Variants in SNTG2 observed in about 807,000 individuals in gnomAD.
SNTG2 encodes the protein syntrophin gamma 2.
SNTG2 carries 74 observed loss-of-function variants against 70.9 expected under a neutral mutation model. That is an observed-to-expected ratio of 1.04 (90% CI 0.86 to 1.27). The LOEUF is 1.27. Among genes scored for constraint, SNTG2 ranks in the 50% most tolerant of loss-of-function variants. The pLI is 0.00. For missense variants in SNTG2, 717 were observed against 690.7 expected (o/e 1.04, Z -0.43); for synonymous variants, 278 against 273.8 (o/e 1.02, Z -0.15).
At chr2:1,106,075 A>G (rs1195881761) in intron 4 of SNTG2, among the ~76,000 whole-genome samples, 83 of 112,490 alleles carry the variant, frequency 7.4e-4, no homozygotes, top group African/African-American at 2.2e-3. Flanking sequence ...AATAGTGGAC[A>G]CCTGCTGTCA....
intron 16 of SNTG2, among the ~76,000 whole-genome samples, chr2:1,358,067 T>C (rs930188434): frequency 6.6e-6 from 1 of 152,170 alleles, no homozygotes; most frequent in Non-Finnish European, 1.5e-5. Context: ...TCACTTTTTT[T>C]CTGTGCCCTC....
intron 12 of SNTG2, among the ~76,000 whole-genome samples, chr2:1,257,211 A>T (rs889194110): frequency 1.3e-5 from 2 of 152,078 alleles, no homozygotes; most frequent in African/African-American, 4.8e-5. Flanking sequence ...CCACAATAGA[A>T]ATGGTTCCAT....
At chr2:1,104,818 T>G (rs1354739221) in intron 4 of SNTG2, among the ~76,000 whole-genome samples, 4 of 152,230 alleles carry the variant, frequency 2.6e-5, no homozygotes, top group Admixed American at 2.6e-4. Context: ...CCAGTATCTT[T>G]CCGTCCTCCC....
In SNTG2 at chr2:1,237,730, G is replaced by A. The variant is rs28628894; in HGVS notation, c.720-158G>A. Among the ~76,000 whole-genome samples, 15 of 152,078 alleles carry A rather than the reference G, an allele frequency of 9.9e-5. No individual in the cohort carries two copies. In the East Asian group the frequency reaches 2.5e-3, roughly 25 times the overall value. On this transcript the variant is annotated intron_variant, in intron 9 of 16. Transcript: ENST00000308624. ...TTCGGGGTTTGGTCTTGGTCTCAGC[G>A]AGCCTGCTGACTGTACTGAGGCGCC...
intron 1 of SNTG2, among the ~76,000 whole-genome samples, chr2:1,010,054 CTA>C (rs1015887013): frequency 1.1e-4 from 16 of 152,046 alleles, no homozygotes; most frequent in Admixed American, 1.0e-3. Context: ...AGAACACACT[CTA>C]TTATTATTAT....
intron 12 of SNTG2, among the ~76,000 whole-genome samples, chr2:1,255,273 C>T (rs1050094363): frequency 1.3e-5 from 2 of 152,194 alleles, no homozygotes; most frequent in African/African-American, 2.4e-5. Flanking sequence ...ATCCCACCCT[C>T]GGCCTTCCTT....
intron 6 of SNTG2, chr2:1,160,941 G>GCTTCA (rs1670233970): frequency 6.6e-6 from 1 of 152,198 alleles, no homozygotes; most frequent in African/African-American, 2.4e-5. Flanking sequence ...GAATCCAATG[G>GCTTCA]CTTCAGAGTC....
chr2:1,315,071 G>T (rs1174266495), intron 15 of SNTG2, among the ~76,000 whole-genome samples: 2 of 152,196 alleles, frequency 1.3e-5, no homozygotes, highest in Non-Finnish European at 2.9e-5. Flanking sequence ...ATAGTGTCTG[G>T]CAATTCTAAT....
chr2:1,138,121 AGT>A (rs1668512333), intron 6 of SNTG2, among the ~76,000 whole-genome samples: 2 of 152,166 alleles, frequency 1.3e-5, no homozygotes, highest in African/African-American at 2.4e-5. Context: ...GGATTCCTGA[AGT>A]GTTATCATCG....
chr2:1,358,727 G>T (rs1191294337), intron 16 of SNTG2, among the ~76,000 whole-genome samples: 1 of 152,134 alleles, frequency 6.6e-6, no homozygotes, highest in East Asian at 1.9e-4. Flanking sequence ...TAGGTATGAT[G>T]TCAGTCTTCT....
chr2:1,201,313 T>C (rs1673259131), intron 8 of SNTG2, among the ~76,000 whole-genome samples: 1 of 151,920 alleles, frequency 6.6e-6, no homozygotes, highest in Non-Finnish European at 1.5e-5. Flanking sequence ...AAATATCACA[T>C]GTTATCACTC....
chr2:1,137,259 G>A (rs1011459495), intron 4 of SNTG2, among the ~76,000 whole-genome samples: 5 of 150,260 alleles, frequency 3.3e-5, no homozygotes, highest in East Asian at 3.9e-4. Context: ...GCAAATACCC[G>A]TGCATGCCGC....
At chr2:1,028,213 A>G (rs574447294) in intron 1 of SNTG2, among the ~76,000 whole-genome samples, 52 of 148,544 alleles carry the variant, frequency 3.5e-4, no homozygotes, top group Non-Finnish European at 6.9e-4. Context: ...TGTTGAGTAA[A>G]GAGGTAAGCA....
intron 10 of SNTG2, among the ~76,000 whole-genome samples, chr2:1,239,531 A>G (rs755798421): frequency 2.0e-4 from 31 of 152,250 alleles, no homozygotes; most frequent in Admixed American, 3.9e-4. Context: ...GATATTTGAA[A>G]AAGAGGAATT....
intron 16 of SNTG2, among the ~76,000 whole-genome samples, chr2:1,320,903 G>A (rs913699405): frequency 2.0e-5 from 3 of 152,116 alleles, no homozygotes; most frequent in African/African-American, 4.8e-5. Context: ...CTTATATTTT[G>A]CATATTTCTT....
chr2:972,771 A>G (rs1660785023), intron 1 of SNTG2, among the ~76,000 whole-genome samples: 1 of 152,072 alleles, frequency 6.6e-6, no homozygotes, highest in South Asian at 2.1e-4. Flanking sequence ...CTCCCACCAT[A>G]TATGACCTCT....
intron 1 of SNTG2, among the ~76,000 whole-genome samples, chr2:1,033,967 T>G (rs1409389486): frequency 6.6e-6 from 1 of 152,232 alleles, no homozygotes; most frequent in Non-Finnish European, 1.5e-5. Context: ...TCTTGTTTTT[T>G]ATTTCTCTTT....
At chr2:1,275,086 T>G (rs1473614530) in intron 14 of SNTG2, among the ~76,000 whole-genome samples, 3 of 152,134 alleles carry the variant, frequency 2.0e-5, no homozygotes, top group Admixed American at 2.0e-4. Flanking sequence ...AATTCATTCC[T>G]GAAAAATCTC....
chr2:1,047,312 C>T (rs1661795222), intron 1 of SNTG2, among the ~76,000 whole-genome samples: 1 of 152,200 alleles, frequency 6.6e-6, no homozygotes. Context: ...TCCTGATGAT[C>T]TTCCTTGCCA....
Sources: gnomAD v4.1 joint callset for allele counts (sites outside exome capture counted in the v4.1 genomes callset) on GRCh38, gnomAD v4.1.1 for gene constraint, MANE v1.5 for transcripts, NCBI Gene and HGNC (gene_info 2026-07-23, HGNC 2026-07-21) for gene names.